VPS37A: variants seen among roughly 807,000 people sequenced by gnomAD.
VPS37A encodes vacuolar protein sorting-associated protein 37A.
A neutral mutation model predicts 49.8 loss-of-function variants in VPS37A; 30 were observed. That is an observed-to-expected ratio of 0.60 (90% CI 0.45 to 0.82). The LOEUF (loss-of-function observed/expected upper bound fraction) is 0.82. Ranked by LOEUF, VPS37A falls within the 40% of genes least tolerant of loss-of-function variation. The pLI is 0.00. For synonymous variants in VPS37A, 195 were observed against 160.6 expected (o/e 1.21, Z -1.62); for missense variants, 593 against 464.4 (o/e 1.28, Z -2.55).
the VPS37A span, chr8:17,331,291 G>A: frequency 6.3e-7 from 1 of 1,584,200 alleles, no homozygotes; most frequent in Non-Finnish European, 8.6e-7. Context: ...AGCTGCAGTG[G>A]TCAGCAAAAC....
chr8:17,264,885 T>A (rs755829559), intron 1 of VPS37A, among the ~76,000 whole-genome samples: 5 of 152,202 alleles, frequency 3.3e-5, no homozygotes, highest in Admixed American at 1.3e-4. Context: ...ACTTGCTTAG[T>A]GTATTATAGT....
intron 2 of VPS37A, 58 bp from the exon 3 acceptor site, chr8:17,268,200 C>G: frequency 8.5e-7 from 1 of 1,179,132 alleles, no homozygotes; most frequent in Non-Finnish European, 1.2e-6. Flanking sequence ...AGATTTTGAC[C>G]ATATAATGTA....
chr8:17,282,570 T>C (rs1047627177), intron 9 of VPS37A, among the ~76,000 whole-genome samples: 1 of 152,126 alleles, frequency 6.6e-6, no homozygotes, highest in Non-Finnish European at 1.5e-5. Flanking sequence ...TACAGATATT[T>C]TTAGCCTATA....
intron 1 of VPS37A, among the ~76,000 whole-genome samples, chr8:17,258,702 T>G (rs1812703774): frequency 6.6e-6 from 1 of 152,130 alleles, no homozygotes. Context: ...TTATTAGTTC[T>G]TTAAGTGTTT....
chr8:17,282,370 T>C (rs1364847596), intron 9 of VPS37A, among the ~76,000 whole-genome samples: 1 of 152,130 alleles, frequency 6.6e-6, no homozygotes, highest in East Asian at 1.9e-4. Flanking sequence ...GATAAACTGC[T>C]TCAGCGGAAA....
intron 9 of VPS37A, 114 bp downstream of exon 9, chr8:17,280,557 T>C: frequency 2.1e-6 from 2 of 933,444 alleles, no homozygotes; most frequent in Non-Finnish European, 3.2e-6. Context: ...TATCTGACCT[T>C]ATAAGACATG....
intron 1 of VPS37A, among the ~76,000 whole-genome samples, chr8:17,263,534 A>T (rs1813158371): frequency 6.6e-6 from 1 of 152,180 alleles, no homozygotes; most frequent in South Asian, 2.1e-4. Flanking sequence ...TCATAAAAAA[A>T]ATTTTAGGAA....
the VPS37A span, among the ~76,000 whole-genome samples, chr8:17,332,340 C>A: frequency 6.6e-6 from 1 of 152,076 alleles, no homozygotes; most frequent in Admixed American, 6.5e-5. Flanking sequence ...AAAAGTCTGA[C>A]AAAATTAAAA....
chr8:17,333,281 T>C, the VPS37A span, among the ~76,000 whole-genome samples: 2 of 152,178 alleles, frequency 1.3e-5, no homozygotes, highest in Non-Finnish European at 2.9e-5. Context: ...CAACTTATGT[T>C]CACACTTTAA....
At chr8:17,272,064 G>T in intron 4 of VPS37A, 1 of 456,628 alleles carries the variant, frequency 2.2e-6, no homozygotes, top group Non-Finnish European at 4.4e-6. Flanking sequence ...AATTCACTAG[G>T]TACATTTTCT....
chr8:17,247,010 G>C lies in VPS37A; in HGVS notation c.-235G>C, dbSNP rs1585881734. 1.2e-5 allele frequency: 7 copies of C among 570,054 alleles called. No individual in the cohort carries two copies. In the East Asian group the frequency reaches 2.2e-4, roughly 18 times the overall value. The allele number at this position is 570,054 out of a possible 1,614,324, so 35.3% of individuals were successfully genotyped here. On this transcript the variant is annotated 5_prime_UTR_variant, in exon 1 of 12. Transcript: ENST00000324849. ...CGGTTTGGGCGTCTGGGCCGTGAAG[G>C]TGGGACCTCCTGTTCCGGGCCGCAA...
chr8:17,302,142 A>C (rs776755297), downstream of VPS37A: 8 of 1,614,078 alleles, frequency 5.0e-6, no homozygotes, highest in South Asian at 8.8e-5. Flanking sequence ...TAACAAAGCA[A>C]GTATGTCTTA....
intron 4 of VPS37A, among the ~76,000 whole-genome samples, chr8:17,273,516 A>G (rs911047200): frequency 2.0e-5 from 3 of 151,936 alleles, no homozygotes; most frequent in African/African-American, 7.3e-5. Flanking sequence ...ACAGGCGCCC[A>G]CCACTACGCC....
chr8:17,266,053 G>A lies in VPS37A; in HGVS notation c.200+72G>A, dbSNP rs1038143870. The A allele has an allele frequency of 2.3e-5, 31 of 1,353,212 alleles. 1 individual carries two copies. Among genetic ancestry groups the A allele is most frequent in the Admixed American group, 6.5e-5 (3 of 45,978 alleles). 83.8% of individuals were successfully genotyped at this position (1,353,212 alleles called of 1,614,324 possible). A position where few individuals can be genotyped will look rare whatever the true frequency, so the allele number is the denominator to read the frequency against. ...TTTTTTTATTGTTTCTTAGTTATTA[G>A]AAATAAACTTTTAAGGTGAACTTAT... On this transcript the variant is annotated intron_variant, in intron 2 of 11. Transcript: ENST00000324849.
intron 4 of VPS37A, among the ~76,000 whole-genome samples, chr8:17,270,898 G>A (rs1813918067): frequency 6.6e-6 from 1 of 152,102 alleles, no homozygotes; most frequent in East Asian, 1.9e-4. Context: ...TGTTCCTGAA[G>A]AACAATTCCT....
At chr8:17,282,576 C>G (rs886310845) in intron 9 of VPS37A, among the ~76,000 whole-genome samples, 33 of 152,054 alleles carry the variant, frequency 2.2e-4, no homozygotes, top group African/African-American at 8.0e-4. Flanking sequence ...TATTTTTAGC[C>G]TATACAACAA....
In VPS37A at chr8:17,268,295, A is replaced by G. The variant is rs778437598; in HGVS notation, c.238A>G (p.Ile80Val). 12 of 1,613,216 alleles carry G rather than the reference A, an allele frequency of 7.4e-6. No homozygotes were observed. The East Asian group carries it at 2.2e-4, about 30-fold the overall frequency. ...ACAGTTTCCTCAGGAAAAACCAGTGATCAGTGTTTATCCACCAATACGACA... is the reference window on the plus strand; with the variant it reads ...ACAGTTTCCTCAGGAAAAACCAGTGGTCAGTGTTTATCCACCAATACGACA... ...PPQFPQEKPV[I>V]SVYPPIRHHL... Residue 80 changes from isoleucine (I) to valine (V), a missense_variant, in exon 3 of 12, where the codon ATC becomes GTC. Ile to Val is a conservative substitution (Grantham distance 29, BLOSUM62 3). Coordinates refer to ENST00000324849, the MANE Select transcript of VPS37A (RefSeq NM_152415.3).
chr8:17,254,263 C>G (rs530124003), intron 1 of VPS37A, among the ~76,000 whole-genome samples: 5 of 152,204 alleles, frequency 3.3e-5, no homozygotes, highest in African/African-American at 1.2e-4. Context: ...TGATAGTTAT[C>G]TTCTGGAAAA....
chr8:17,313,455 A>T, the VPS37A span: 1 of 1,163,682 alleles, frequency 8.6e-7, no homozygotes, highest in South Asian at 1.4e-5. Context: ...CTCATTTTAC[A>T]TATGATCATG....
Sources: gnomAD v4.1 joint callset for allele counts (sites outside exome capture counted in the v4.1 genomes callset) on GRCh38, gnomAD v4.1.1 for gene constraint, MANE v1.5 for transcripts, NCBI Gene and HGNC (gene_info 2026-07-23, HGNC 2026-07-21) for gene names.